The following SLC47A1 variants were observed in gnomAD, a reference collection of about 807,000 sequenced individuals.
SLC47A1 encodes multidrug and toxin extrusion protein 1.
Under a neutral mutation model 65.8 loss-of-function variants are expected in SLC47A1, and 58 were observed. The ratio of observed to expected loss-of-function variants is 0.88; its 90% CI spans 0.71 to 1.10. The LOEUF (loss-of-function observed/expected upper bound fraction) is 1.10. Among genes scored for constraint, SLC47A1 ranks in the 50% least tolerant of loss-of-function variants. SLC47A1 has a pLI of 0.00. For missense variants in SLC47A1, 706 were observed against 719.2 expected (o/e 0.98, Z 0.21); for synonymous variants, 285 against 295.0 (o/e 0.97, Z 0.35).
In SLC47A1 at chr17:19,575,542, G is replaced by A. The variant is rs117701414; in HGVS notation, c.1487-1785G>A. Among the ~76,000 whole-genome samples the A allele has an allele frequency of 3.6e-3, 548 of 152,118 alleles. 4 individuals are homozygous for A. The highest frequency in any genetic ancestry group is 6.0e-3 in the Non-Finnish European group (408 of 68,008). ...GCCTCCTGAGTAGCTGGGATTACAG[G>A]TGCGTGCCACTATGCTCAGCTAACT... On this transcript the variant is annotated intron_variant, in intron 16 of 16. Transcript: ENST00000270570.
intron 12 of SLC47A1, among the ~76,000 whole-genome samples, chr17:19,564,207 T>C (rs1420690090): frequency 6.6e-6 from 1 of 151,696 alleles, no homozygotes; most frequent in Non-Finnish European, 1.5e-5. Flanking sequence ...AAAATTTAGC[T>C]GGGCATGGTG....
intron 16 of SLC47A1, among the ~76,000 whole-genome samples, chr17:19,575,690 A>G (rs1207954530): frequency 2.6e-5 from 4 of 152,082 alleles, no homozygotes; most frequent in South Asian, 2.1e-4. Flanking sequence ...GTGAACCACC[A>G]CGCCTGGCCT....
intron 6 of SLC47A1, among the ~76,000 whole-genome samples, chr17:19,552,791 G>A (rs1344821478): frequency 6.6e-6 from 1 of 152,152 alleles, no homozygotes; most frequent in African/African-American, 2.4e-5. Context: ...GGGGCCCGCA[G>A]AGTCTCTTTA....
Position 19,548,226 on chromosome 17 carries a change from C to T in SLC47A1, c.455+93C>T. 6 of 1,479,556 alleles carry T rather than the reference C, an allele frequency of 4.1e-6. No individual in the cohort carries two copies. The Admixed American group carries it at 1.1e-4, about 28-fold the overall frequency. The allele number at this position is 1,479,556 out of a possible 1,614,324, so 91.7% of individuals were successfully genotyped here. ...AGCCAGGGCCAGGGACAAGGCTGCACACCAAGGTGGTGCTCATCTCTCCTT... is the reference window on the plus strand; with the variant it reads ...AGCCAGGGCCAGGGACAAGGCTGCATACCAAGGTGGTGCTCATCTCTCCTT... On this transcript the variant is annotated intron_variant, in intron 4 of 16. Coordinates refer to ENST00000270570, the MANE Select transcript of SLC47A1 (RefSeq NM_018242.3).
At chr17:19,541,603 C>G (rs547016144) in intron 1 of SLC47A1, among the ~76,000 whole-genome samples, 2 of 152,294 alleles carry the variant, frequency 1.3e-5, no homozygotes, top group East Asian at 3.9e-4. Flanking sequence ...AATGTTTCAC[C>G]CTGAGAGTCC....
At chr17:19,565,847 C>T (rs951800757) in intron 12 of SLC47A1, among the ~76,000 whole-genome samples, 23 of 152,112 alleles carry the variant, frequency 1.5e-4, no homozygotes, top group Admixed American at 1.5e-3. Context: ...TCCCAAAGTG[C>T]TGGAATTACA....
At chr17:19,534,745 C>T (rs1194293147) in intron 1 of SLC47A1, 1 of 152,090 alleles carries the variant, frequency 6.6e-6, no homozygotes, top group South Asian at 2.1e-4. Flanking sequence ...TTTGTGGGGT[C>T]GAGGTGTTCT....
chr17:19,562,564 CAAA>C (rs35648662), intron 12 of SLC47A1, among the ~76,000 whole-genome samples: 65 of 138,672 alleles, frequency 4.7e-4, no homozygotes, highest in Middle Eastern at 3.6e-3. Context: ...GACTCTGTCT[CAAA>C]AAAAAAAAAA....
rs1334319569 is a variant in SLC47A1 at position 19,534,034 on chromosome 17, G to C, written c.95G>C (p.Arg32Pro). ...GSRCLRLSAF[R>P]EELRALLVLA... ...CGCTGCTTGCGGCTGTCCGCCTTCC[G>C]AGAAGAGCTGCGGGCGCTCTTGGTC... The change falls in exon 1 of 17, where the codon CGA (arginine) becomes CCA (proline). Residue 32 changes from arginine (R) to proline (P), a missense_variant. Coordinates refer to ENST00000270570, the MANE Select transcript of SLC47A1 (RefSeq NM_018242.3). 3.2e-6 allele frequency: 5 copies of C among 1,547,900 alleles called. No individual in the cohort carries two copies. The highest frequency in any genetic ancestry group is 4.4e-6 in the Non-Finnish European group (5 of 1,147,736).
chr17:19,570,983 G>C (rs1219894621), intron 14 of SLC47A1: 4 of 152,260 alleles, frequency 2.6e-5, no homozygotes, highest in Non-Finnish European at 5.9e-5. Flanking sequence ...TTCTAGCAAA[G>C]TCTGTGTCAG....
chr17:19,562,657 T>G (rs1026468706), intron 12 of SLC47A1, among the ~76,000 whole-genome samples: 3 of 151,910 alleles, frequency 2.0e-5, no homozygotes, highest in Non-Finnish European at 4.4e-5. Context: ...GGAATCAGGA[T>G]GAACTTTATG....
chr17:19,534,186 G>A (rs1020198596), intron 1 of SLC47A1, 112 bp downstream of exon 1: 1 of 1,322,366 alleles, frequency 7.6e-7, no homozygotes, highest in Admixed American at 3.1e-5. Context: ...GCTGTCCGCC[G>A]GCGGGCTCCG....
chr17:19,578,078 G>A lies in SLC47A1; in HGVS notation c.*525G>A. Reference sequence around the variant, plus strand: ...GCTCACTGCAGCCTCGAACTCTTGGGCTTCAAGCAATCCTCCTGTGTCAGC... The same window carrying A: ...GCTCACTGCAGCCTCGAACTCTTGGACTTCAAGCAATCCTCCTGTGTCAGC... On this transcript the variant is annotated 3_prime_UTR_variant, in exon 17 of 17. Coordinates refer to ENST00000270570, the MANE Select transcript of SLC47A1 (RefSeq NM_018242.3). The A allele has an allele frequency of 1.2e-6, 1 of 802,822 alleles. No individual in the cohort carries two copies. Among genetic ancestry groups the A allele is most frequent in the Admixed American group, 2.3e-5 (1 of 42,934 alleles). 49.7% of individuals were successfully genotyped at this position (802,822 alleles called of 1,614,324 possible). A position where few individuals can be genotyped will look rare whatever the true frequency, so the allele number is the denominator to read the frequency against.
At chr17:19,557,774 A>C (rs1916660321) in intron 10 of SLC47A1, 1 of 384,120 alleles carries the variant, frequency 2.6e-6, no homozygotes. Context: ...AAATCGAAGA[A>C]AGCACTGGAG....
In SLC47A1 at chr17:19,572,692, T is replaced by C; in HGVS notation, c.1405-88T>C. On this transcript the variant is annotated intron_variant, in intron 15 of 16. Transcript: ENST00000270570. Reference sequence around the variant, plus strand: ...AGCTATACATGCCAATTAAGGAAAATGGCTTGGCTCTTCCTAAACTAGGTG... The same window carrying C: ...AGCTATACATGCCAATTAAGGAAAACGGCTTGGCTCTTCCTAAACTAGGTG... The C allele has an allele frequency of 3.3e-6, 4 of 1,211,792 alleles. No individual in the cohort carries two copies. The South Asian group carries it at 3.7e-5, about 11-fold the overall frequency. The allele number at this position is 1,211,792 out of a possible 1,614,324, so 75.1% of individuals were successfully genotyped here.
chr17:19,534,107 C>A, intron 1 of SLC47A1, 33 bp downstream of exon 1: 1 of 1,495,300 alleles, frequency 6.7e-7, no homozygotes. Context: ...CAGGCCGGTA[C>A]CGGCGGGCTG....
chr17:19,540,878 C>CACACACACACACACACA (rs879334096), intron 1 of SLC47A1, among the ~76,000 whole-genome samples: 16 of 127,180 alleles, frequency 1.3e-4, no homozygotes, highest in African/African-American at 5.7e-4. Flanking sequence ...ACACACACAC[C>CACACACACACACACACA]CCTAGGGTTA....
chr17:19,542,332 G>A, intron 1 of SLC47A1, 61 bp from the exon 2 acceptor site: 2 of 1,335,944 alleles, frequency 1.5e-6, no homozygotes. Flanking sequence ...CACACTTGGG[G>A]CCCCAGGCTT....
intron 5 of SLC47A1, among the ~76,000 whole-genome samples, chr17:19,550,448 C>T (rs776787733): frequency 1.1e-4 from 17 of 152,042 alleles, no homozygotes; most frequent in Non-Finnish European, 1.5e-4. Flanking sequence ...CCTGATTAGC[C>T]GATACTACAG....
Sources: allele counts gnomAD v4.1 joint callset (sites outside exome capture counted in the v4.1 genomes callset), GRCh38; gene constraint gnomAD v4.1.1; transcripts MANE v1.5; gene names NCBI Gene and HGNC (gene_info 2026-07-23, HGNC 2026-07-21).